ALOX5: variants seen among roughly 807,000 people sequenced by gnomAD.
ALOX5 encodes the protein arachidonate 5-lipoxygenase, also known as polyunsaturated fatty acid 5-lipoxygenase.
In ALOX5, 64 loss-of-function variants were observed where a neutral mutation model predicts 87.9. The ratio of observed to expected loss-of-function variants is 0.73; its 90% CI spans 0.60 to 0.90. The LOEUF (loss-of-function observed/expected upper bound fraction) is 0.90. ALOX5 is among the 40% of genes least tolerant of loss of function. The probability of loss-of-function intolerance (pLI) is 0.00; values close to 1 mark genes in which losing one functional copy is unlikely to be tolerated. For missense variants in ALOX5, 822 were observed against 907.5 expected (o/e 0.91, Z 1.21); for synonymous variants, 388 against 355.1 (o/e 1.09, Z -1.04).
At position 45,441,373 on chromosome 10, in the gene ALOX5, T is replaced by C. The variant is rs2132855144; in HGVS notation, c.1215T>C (p.Ile405=). ...TGGTGGCACACGTGAGATTCACCAT[T>C]GCAATCAACACCAAGGCCCGTGAGC... The part of the protein sequence containing the change: ...KLLVAHVRFT[I]AINTKAREQL... The change falls in exon 9 of 14, where the codon ATT becomes ATC. Residue 405 remains isoleucine (I), a synonymous_variant. Transcript: ENST00000374391. 6.2e-7 allele frequency: 1 copy of C among 1,613,708 alleles called. No homozygotes were observed. Among genetic ancestry groups the C allele is most frequent in the Middle Eastern group, 1.7e-4 (1 of 6,048 alleles).
intron 3 of ALOX5, among the ~76,000 whole-genome samples, chr10:45,399,796 A>C (rs1048566270): frequency 6.6e-6 from 1 of 152,206 alleles, no homozygotes; most frequent in Non-Finnish European, 1.5e-5. Context: ...CAATTTTAAA[A>C]TATTCTGTAC....
chr10:45,418,979 C>T (rs1210117741), intron 4 of ALOX5, among the ~76,000 whole-genome samples: 1 of 152,180 alleles, frequency 6.6e-6, no homozygotes, highest in East Asian at 1.9e-4. Flanking sequence ...ACACGCCCTG[C>T]GATTTCCTCC....
At chr10:45,390,545 A>C (rs1431420327) in intron 2 of ALOX5, among the ~76,000 whole-genome samples, 2 of 152,236 alleles carry the variant, frequency 1.3e-5, no homozygotes, top group Admixed American at 1.3e-4. Flanking sequence ...ACTCACTCAA[A>C]ACCTCTCAAC....
chr10:45,428,898 G>T (rs1841823996), intron 7 of ALOX5, 134 bp downstream of exon 7: 1 of 1,239,210 alleles, frequency 8.1e-7, no homozygotes, highest in Admixed American at 2.4e-5. Flanking sequence ...AGGCCCTGAG[G>T]TGGGCTGTCC....
chr10:45,378,181 C>CT (rs11418683), intron 1 of ALOX5, among the ~76,000 whole-genome samples: 24,324 of 152,140 alleles, frequency 0.16, 2,028 homozygotes, highest in South Asian at 0.19. Flanking sequence ...GAAATACCCT[C>CT]TTATGAAGCT....
intron 4 of ALOX5, among the ~76,000 whole-genome samples, chr10:45,412,592 T>C (rs1445572296): frequency 5.9e-5 from 9 of 152,144 alleles, no homozygotes; most frequent in Admixed American, 5.9e-4. Flanking sequence ...CTCCTCCCCA[T>C]CCATATCTCA....
intron 4 of ALOX5, among the ~76,000 whole-genome samples, chr10:45,414,029 A>AT (rs1157400316): frequency 1.4e-4 from 22 of 152,304 alleles, no homozygotes; most frequent in Admixed American, 1.2e-3. Flanking sequence ...TAATTTATAG[A>AT]TCAATGCCAT....
At position 45,417,000 on chromosome 10, in the gene ALOX5, T is replaced by C. The variant is rs368602822; in HGVS notation, c.554+4687T>C. The stretch of plus-strand genomic sequence containing the variant: ...AGTGAAGGCCAGACTGTGCCTTTCT[T>C]ATCTCTGTTCAGTGTTTCTGAAGGT... On this transcript the variant is annotated intron_variant, in intron 4 of 13. Coordinates refer to ENST00000374391, the MANE Select transcript of ALOX5 (RefSeq NM_000698.5). Among the ~76,000 whole-genome samples, 13 of 152,182 alleles carry C rather than the reference T, an allele frequency of 8.5e-5. 2 individuals are homozygous for C. The highest frequency in any genetic ancestry group is 2.6e-4 in the Admixed American group (4 of 15,294).
rs191866099 is a variant in ALOX5 at position 45,422,379 on chromosome 10, G to A, written c.555-1662G>A. ...GGTGTGTGTCTACAGCTCAGACCCA[G>A]CCATGCTCCACCTGAGAAGTGGGTC... On this transcript the variant is annotated intron_variant, in intron 4 of 13. Coordinates refer to ENST00000374391, the MANE Select transcript of ALOX5 (RefSeq NM_000698.5). Among the ~76,000 whole-genome samples the A allele has an allele frequency of 2.8e-3, 427 of 152,286 alleles. 2 individuals carry two copies. The highest frequency in any genetic ancestry group is 4.8e-3 in the Admixed American group (74 of 15,296).
chr10:45,420,883 C>T (rs1023803085), intron 4 of ALOX5, among the ~76,000 whole-genome samples: 1 of 152,186 alleles, frequency 6.6e-6, no homozygotes, highest in Admixed American at 6.5e-5. Flanking sequence ...CCCAGTGAGG[C>T]GGGACAGTGC....
intron 3 of ALOX5, among the ~76,000 whole-genome samples, chr10:45,402,845 T>C (rs1182863309): frequency 6.6e-6 from 1 of 152,136 alleles, no homozygotes. Context: ...GGCAAGAAGT[T>C]TGAGTACTTA....
intron 3 of ALOX5, 92 bp downstream of exon 3, chr10:45,396,028 G>C: frequency 1.5e-6 from 2 of 1,331,556 alleles, no homozygotes; most frequent in Non-Finnish European, 2.1e-6. Flanking sequence ...CACAGTGTAT[G>C]GCCTGTCACT....
In ALOX5 at chr10:45,428,755, T is replaced by G; in HGVS notation, c.972T>G (p.Ile324Met). The change falls in exon 7 of 14, where the codon ATT becomes ATG. Residue 324 changes from isoleucine (I) to methionine (M), a missense_variant. Coordinates refer to ENST00000374391, the MANE Select transcript of ALOX5 (RefSeq NM_000698.5). ...YKNLANKIVPIAIQLNQIPGD... is the reference protein window; with the variant it reads ...YKNLANKIVPMAIQLNQIPGD... ...ACCTGGCCAACAAGATTGTCCCCAT[T>G]GCCATCCAGGTAGGCTGCTGGGGGG... 1 of 1,613,872 alleles carries G rather than the reference T, an allele frequency of 6.2e-7. No homozygotes were observed. The highest frequency in any genetic ancestry group is 8.5e-7 in the Non-Finnish European group (1 of 1,179,994).
intron 1 of ALOX5, among the ~76,000 whole-genome samples, chr10:45,379,259 T>A (rs996371658): frequency 1.3e-5 from 2 of 151,806 alleles, no homozygotes; most frequent in African/African-American, 4.8e-5. Flanking sequence ...AGCTTTCCTG[T>A]CATCTATCCC....
At chr10:45,422,754 A>G (rs1453418434) in intron 4 of ALOX5, among the ~76,000 whole-genome samples, 3 of 152,250 alleles carry the variant, frequency 2.0e-5, no homozygotes, top group Non-Finnish European at 2.9e-5. Context: ...AGAGAATGGC[A>G]TAGTCTATTG....
rs770967924 is a variant in ALOX5 at position 45,443,121 on chromosome 10, C to T, written c.1356C>T (p.Pro452=). ...KDLTYASLCF[P]EAIKARGMES... is the part of the protein sequence containing the mutation. ...TGACCTATGCCTCCCTGTGCTTTCC[C>T]GAGGCCATCAAGGCCCGGGGCATGG... The change falls in exon 10 of 14, where the codon CCC becomes CCT. Residue 452 remains proline (P), a synonymous_variant. Coordinates refer to ENST00000374391, the MANE Select transcript of ALOX5 (RefSeq NM_000698.5). 23 of 1,613,708 alleles carry T rather than the reference C, an allele frequency of 1.4e-5. No individual in the cohort carries two copies. Among genetic ancestry groups the T allele is most frequent in the East Asian group, 6.7e-5 (3 of 44,882 alleles).
chr10:45,424,814 G>A, intron 5 of ALOX5, 146 bp from the exon 6 acceptor site: 1 of 937,356 alleles, frequency 1.1e-6, no homozygotes, highest in Non-Finnish European at 1.6e-6. Flanking sequence ...ATGGGCAGGG[G>A]GCAGCAGTTG....
chr10:45,382,181 G>GTTCAT (rs1352742367), intron 1 of ALOX5, among the ~76,000 whole-genome samples: 1 of 152,188 alleles, frequency 6.6e-6, no homozygotes, highest in Non-Finnish European at 1.5e-5. Context: ...GGAGGTAAGC[G>GTTCAT]TTCATTGTAC....
Position 45,441,333 on chromosome 10 carries a change from C to G in ALOX5, c.1186-11C>G, listed in dbSNP as rs1185483254. 9.9e-6 allele frequency: 16 copies of G among 1,612,716 alleles called. No homozygotes were observed. Among genetic ancestry groups the G allele is most frequent in the African/African-American group, 1.3e-5 (1 of 74,890 alleles). ...GGCCCCCTCTGAGGCCTCCTCCTCT[C>G]CCCTCCCCAGCTGCTGGTGGCACAC... On this transcript the variant is annotated splice_polypyrimidine_tract_variant and intron_variant, in intron 8 of 13. Coordinates refer to ENST00000374391, the MANE Select transcript of ALOX5 (RefSeq NM_000698.5).
Sources: allele counts gnomAD v4.1 joint callset (sites outside exome capture counted in the v4.1 genomes callset), GRCh38; gene constraint gnomAD v4.1.1; transcripts MANE v1.5; gene names NCBI Gene and HGNC (gene_info 2026-07-23, HGNC 2026-07-21).